ARHGAP15: variants seen among roughly 807,000 people sequenced by gnomAD.
ARHGAP15 encodes rho GTPase-activating protein 15.
A neutral mutation model predicts 63.7 loss-of-function variants in ARHGAP15; 51 were observed. That is an observed-to-expected ratio of 0.80 (90% CI 0.64 to 1.01). The LOEUF (loss-of-function observed/expected upper bound fraction) is 1.01, where lower values mean the gene tolerates loss of function less well. ARHGAP15 is among the 50% of genes least tolerant of loss of function. The pLI, the probability that ARHGAP15 is intolerant of heterozygous loss-of-function variation, is 0.00. For synonymous variants in ARHGAP15, 191 were observed against 193.8 expected (o/e 0.99, Z 0.12); for missense variants, 560 against 564.6 (o/e 0.99, Z 0.08).
chr2:143,311,146 A>T (rs1420812317), intron 6 of ARHGAP15, among the ~76,000 whole-genome samples: 1 of 152,056 alleles, frequency 6.6e-6, no homozygotes, highest in East Asian at 1.9e-4. Context: ...TTCTACTCAA[A>T]TGTTGGAAAC....
At chr2:143,453,111 A>G (rs1690483698) in intron 8 of ARHGAP15, among the ~76,000 whole-genome samples, 1 of 152,114 alleles carries the variant, frequency 6.6e-6, no homozygotes, top group East Asian at 1.9e-4. Context: ...AACCCTATGC[A>G]GCTCAGTGAC....
intron 9 of ARHGAP15, among the ~76,000 whole-genome samples, chr2:143,490,044 G>T (rs1034393226): frequency 5.9e-5 from 9 of 152,146 alleles, no homozygotes; most frequent in Non-Finnish European, 1.3e-4. Context: ...CTGTCGCCCA[G>T]GCTGGAGTGC....
At chr2:143,368,000 CAA>C (rs1686369561) in intron 6 of ARHGAP15, among the ~76,000 whole-genome samples, 1 of 151,936 alleles carries the variant, frequency 6.6e-6, no homozygotes, top group Non-Finnish European at 1.5e-5. Flanking sequence ...AAACTTATTT[CAA>C]GAGAGAGATG....
At chr2:143,647,218 A>G (rs959737147) in intron 12 of ARHGAP15, among the ~76,000 whole-genome samples, 1 of 151,990 alleles carries the variant, frequency 6.6e-6, no homozygotes. Flanking sequence ...GGTGGGTATG[A>G]GTGGAAGTAT....
chr2:143,519,108 G>A (rs143464616), intron 9 of ARHGAP15, 158 bp from the exon 10 acceptor site: 47 of 505,128 alleles, frequency 9.3e-5, no homozygotes, highest in African/African-American at 7.7e-4. Context: ...GGGAGTTGTG[G>A]TCTTCATATG....
intron 3 of ARHGAP15, among the ~76,000 whole-genome samples, chr2:143,208,204 C>T (rs1692418803): frequency 6.6e-6 from 1 of 152,098 alleles, no homozygotes; most frequent in Admixed American, 6.6e-5. Flanking sequence ...ATCTCAATTC[C>T]TTTATATCTC....
intron 13 of ARHGAP15, among the ~76,000 whole-genome samples, chr2:143,712,519 T>A (rs1014463260): frequency 2.6e-5 from 4 of 152,148 alleles, no homozygotes; most frequent in Non-Finnish European, 5.9e-5. Context: ...CAAGGGACCG[T>A]GTGAACCCAG....
chr2:143,321,461 TAGG>T (rs1310293408), intron 6 of ARHGAP15, among the ~76,000 whole-genome samples: 1 of 152,228 alleles, frequency 6.6e-6, no homozygotes, highest in Admixed American at 6.5e-5. Flanking sequence ...AATCAGCTAA[TAGG>T]AGAGAGTGCT....
At chr2:143,355,059 G>T (rs1007561216) in intron 6 of ARHGAP15, among the ~76,000 whole-genome samples, 1 of 152,092 alleles carries the variant, frequency 6.6e-6, no homozygotes, top group Admixed American at 6.5e-5. Flanking sequence ...GAGAAAATTG[G>T]CTATAACTTT....
intron 12 of ARHGAP15, among the ~76,000 whole-genome samples, chr2:143,674,052 G>C (rs1199702957): frequency 2.0e-5 from 3 of 151,824 alleles, no homozygotes; most frequent in African/African-American, 7.3e-5. Flanking sequence ...GCTGATGAGA[G>C]TATAAAATGG....
chr2:143,413,797 A>G (rs9973824), intron 6 of ARHGAP15, among the ~76,000 whole-genome samples: 1,837 of 152,202 alleles, frequency 0.012, 36 homozygotes, highest in African/African-American at 0.041. Flanking sequence ...TCAATGCAGA[A>G]TGCCTCAGGA....
At chr2:143,628,807 TTC>T (rs2105250278) in intron 12 of ARHGAP15, among the ~76,000 whole-genome samples, 1 of 152,324 alleles carries the variant, frequency 6.6e-6, no homozygotes, top group African/African-American at 2.4e-5. Context: ...TTAAAATGGT[TTC>T]TGTTTTTTGC....
chr2:143,616,222 AAATT>A (rs1460397567), intron 11 of ARHGAP15, among the ~76,000 whole-genome samples: 1 of 152,214 alleles, frequency 6.6e-6, no homozygotes, highest in African/African-American at 2.4e-5. Flanking sequence ...ATGCCATTAT[AAATT>A]AAAAATGCAC....
intron 3 of ARHGAP15, among the ~76,000 whole-genome samples, chr2:143,214,997 G>A (rs1451804): frequency 1 from 152,316 of 152,356 alleles, 76,138 homozygotes; most frequent in Middle Eastern, 1. Flanking sequence ...TGTTCAAACA[G>A]TTTTATTATT....
chr2:143,346,767 A>C (rs1685319145), intron 6 of ARHGAP15, among the ~76,000 whole-genome samples: 1 of 151,992 alleles, frequency 6.6e-6, no homozygotes, highest in African/African-American at 2.4e-5. Flanking sequence ...ATTGGTATTC[A>C]TTTTTTTGAT....
chr2:143,546,041 TAAGA>T (rs765610533), intron 10 of ARHGAP15, among the ~76,000 whole-genome samples: 2 of 152,206 alleles, frequency 1.3e-5, no homozygotes, highest in Non-Finnish European at 2.9e-5. Context: ...GAGAAATGTT[TAAGA>T]AAGATCACTT....
intron 6 of ARHGAP15, among the ~76,000 whole-genome samples, chr2:143,319,025 C>G (rs1412486794): frequency 6.6e-6 from 1 of 152,134 alleles, no homozygotes; most frequent in Non-Finnish European, 1.5e-5. Flanking sequence ...ACAAATTTCT[C>G]TTCCTATAGA....
chr2:143,306,526 G>A (rs912557846), intron 6 of ARHGAP15, among the ~76,000 whole-genome samples: 4 of 152,084 alleles, frequency 2.6e-5, no homozygotes, highest in African/African-American at 9.7e-5. Context: ...GATCAAAATA[G>A]ATGATATATG....
intron 10 of ARHGAP15, among the ~76,000 whole-genome samples, chr2:143,526,114 G>C (rs1292711863): frequency 6.6e-6 from 1 of 152,100 alleles, no homozygotes; most frequent in Non-Finnish European, 1.5e-5. Context: ...TACGGAGCTG[G>C]TTATTAATTA....
Sources: allele counts gnomAD v4.1 joint callset (sites outside exome capture counted in the v4.1 genomes callset), GRCh38; gene constraint gnomAD v4.1.1; transcripts MANE v1.5; gene names NCBI Gene and HGNC (gene_info 2026-07-23, HGNC 2026-07-21).